Variants in L3MBTL2 observed in about 807,000 individuals in gnomAD.
L3MBTL2 encodes L3MBTL histone methyl-lysine binding protein 2.
A neutral mutation model predicts 86.4 loss-of-function variants in L3MBTL2; 49 were observed. That is an observed-to-expected ratio of 0.57 (90% CI 0.45 to 0.72). L3MBTL2 has a LOEUF of 0.72. Ranked by LOEUF, L3MBTL2 falls within the 30% of genes least tolerant of loss-of-function variation. L3MBTL2 has a pLI of 0.00. For missense variants in L3MBTL2, 755 were observed against 923.7 expected (o/e 0.82, Z 2.37); for synonymous variants, 336 against 350.6 (o/e 0.96, Z 0.47).
chr22:41,206,909 CAT>C (rs1219494986), intron 1 of L3MBTL2, among the ~76,000 whole-genome samples: 3 of 152,124 alleles, frequency 2.0e-5, no homozygotes, highest in Admixed American at 6.6e-5. Context: ...CGAGAATAAT[CAT>C]GTGGAGAATA....
intron 4 of L3MBTL2, 184 bp from the exon 5 acceptor site, chr22:41,216,939 G>GT: frequency 1.8e-6 from 1 of 570,602 alleles, no homozygotes; most frequent in South Asian, 2.1e-5. Flanking sequence ...CTCAACAGTG[G>GT]TCCCTCATGG....
intron 1 of L3MBTL2, among the ~76,000 whole-genome samples, chr22:41,208,966 C>T (rs971432778): frequency 1.3e-5 from 2 of 152,122 alleles, no homozygotes; most frequent in African/African-American, 2.4e-5. Flanking sequence ...TGGTCTTGAA[C>T]TCCTGACTTC....
rs765244624 is a variant in L3MBTL2 at position 41,225,021 on chromosome 22, G to A, written c.1306G>A (p.Ala436Thr). The A allele has an allele frequency of 9.3e-6, 15 of 1,613,976 alleles. No homozygotes were observed. The highest frequency in any genetic ancestry group is 1.3e-5 in the Non-Finnish European group (15 of 1,179,980). The change falls in exon 11 of 17, where the codon GCC (alanine) becomes ACC (threonine). Residue 436 changes from alanine (A) to threonine (T), a missense_variant. Physicochemically the swap from Ala to Thr is moderately conservative, Grantham distance 58 (BLOSUM62 0). Transcript: ENST00000216237. The surrounding 1 kb of genome is among the most constrained non-coding windows in gnomAD (Gnocchi z 4.1). The stretch of plus-strand genomic sequence containing the variant: ...GTTTGAGGAAGGGATGAAGCTGGAG[G>A]CCATTGACCCCCTGAATCTGGGCAA... The part of the protein sequence containing the change: ...GWFEEGMKLE[A>T]IDPLNLGNIC...
At chr22:41,218,165 C>T (rs1160414590) in intron 5 of L3MBTL2, 1 of 152,190 alleles carries the variant, frequency 6.6e-6, no homozygotes, top group Non-Finnish European at 1.5e-5. Flanking sequence ...ACTCAAGTGA[C>T]CAGGGAGATG....
rs983692989 is a variant in L3MBTL2 at position 41,221,113 on chromosome 22, G to A, written c.854-86G>A. The A allele has an allele frequency of 7.1e-6, 9 of 1,271,460 alleles. No homozygotes were observed. The Admixed American group carries it at 1.2e-4, about 17-fold the overall frequency. The allele number at this position is 1,271,460 out of a possible 1,614,324, so 78.8% of individuals were successfully genotyped here. The stretch of plus-strand genomic sequence containing the variant: ...CTATTTTCAGTCCCCACTGCTGAGG[G>A]GTCCCCACTCTGGGTCGGCGCTAGC... On this transcript the variant is annotated intron_variant, in intron 7 of 16. Coordinates refer to ENST00000216237, the MANE Select transcript of L3MBTL2 (RefSeq NM_031488.5).
intron 8 of L3MBTL2, among the ~76,000 whole-genome samples, chr22:41,222,512 C>A (rs2031894243): frequency 6.6e-6 from 1 of 152,158 alleles, no homozygotes; most frequent in African/African-American, 2.4e-5. Context: ...GTGACTCATA[C>A]CTGTCTCAGT....
chr22:41,223,315 G>A (rs1277672534), intron 8 of L3MBTL2, among the ~76,000 whole-genome samples: 1 of 152,042 alleles, frequency 6.6e-6, no homozygotes, highest in African/African-American at 2.4e-5. Flanking sequence ...CACCCTACCT[G>A]TTCCCTGCCC....
chr22:41,209,430 TTGA>T, intron 1 of L3MBTL2: 1 of 402,346 alleles, frequency 2.5e-6, no homozygotes. Context: ...AGTATTCTAT[TTGA>T]ACCATGTTAA....
chr22:41,210,090 C>T, intron 2 of L3MBTL2, 157 bp downstream of exon 2: 1 of 770,632 alleles, frequency 1.3e-6, no homozygotes, highest in Non-Finnish European at 1.9e-6. Context: ...GTAAGGGAGA[C>T]AGAAGCACCC....
intron 4 of L3MBTL2, 38 bp downstream of exon 4, chr22:41,216,300 G>C (rs530184410): frequency 6.3e-7 from 1 of 1,599,444 alleles, no homozygotes; most frequent in Non-Finnish European, 8.6e-7. Context: ...AAGCTGCCGT[G>C]GCTGGGGAGG....
intron 2 of L3MBTL2, among the ~76,000 whole-genome samples, chr22:41,211,701 C>T (rs1419046969): frequency 4.0e-5 from 6 of 148,198 alleles, no homozygotes; most frequent in South Asian, 2.1e-4. Flanking sequence ...GGACTACAGG[C>T]GCCTGCCACC....
chr22:41,207,969 T>A (rs1451677496), intron 1 of L3MBTL2, among the ~76,000 whole-genome samples: 1 of 151,808 alleles, frequency 6.6e-6, no homozygotes, highest in Non-Finnish European at 1.5e-5. Context: ...GTAGCTGGGA[T>A]TTCAGGCACC....
chr22:41,225,146 A>C lies in L3MBTL2; in HGVS notation c.1356+75A>C, dbSNP rs1601531605. 3 of 1,150,164 alleles carry C rather than the reference A, an allele frequency of 2.6e-6. No homozygotes were observed. The highest frequency in any genetic ancestry group is 1.3e-6 in the Non-Finnish European group (1 of 799,728). The allele number at this position is 1,150,164 out of a possible 1,614,324, so 71.2% of individuals were successfully genotyped here. A position where few individuals can be genotyped will look rare whatever the true frequency, so the allele number is the denominator to read the frequency against. On this transcript the variant is annotated intron_variant, in intron 11 of 16. Transcript: ENST00000216237. This position sits in a 1 kb window ranked among gnomAD's most constrained non-coding sequence, Gnocchi z 4.1. ...CCATGTGGCCCAGAGCTCTAACCCC[A>C]CTCGCCACCGTCAGGGGGTCTGTGT...
chr22:41,228,065 AC>A (rs2032315455), intron 15 of L3MBTL2, 196 bp downstream of exon 15: 1 of 984,996 alleles, frequency 1.0e-6, no homozygotes, highest in African/African-American at 1.8e-5. Flanking sequence ...GTCTCTGGGG[AC>A]CCAGACCATA....
chr22:41,208,509 T>C (rs2030433876), intron 1 of L3MBTL2: 1 of 261,462 alleles, frequency 3.8e-6, no homozygotes. Flanking sequence ...AATATTTTTA[T>C]TTTATAGATG....
intron 2 of L3MBTL2, among the ~76,000 whole-genome samples, chr22:41,210,660 C>T (rs1046288780): frequency 6.6e-6 from 1 of 152,072 alleles, no homozygotes; most frequent in African/African-American, 2.4e-5. Context: ...GGCGGGGTTT[C>T]ACCATGTCGG....
At chr22:41,229,863 C>A in intron 16 of L3MBTL2, 1 of 849,604 alleles carries the variant, frequency 1.2e-6, no homozygotes, top group Non-Finnish European at 1.9e-6. Context: ...TCTAGCCCGG[C>A]CCCGGCCCCT....
chr22:41,219,176 G>T, intron 5 of L3MBTL2: 1 of 426,254 alleles, frequency 2.3e-6, no homozygotes, highest in Non-Finnish European at 4.4e-6. Context: ...TTAGGACTCG[G>T]TTCTGTCTGA....
chr22:41,211,557 C>CTTTTTTTTTTTTTT (rs71200672), intron 2 of L3MBTL2, among the ~76,000 whole-genome samples: 9 of 97,342 alleles, frequency 9.2e-5, no homozygotes, highest in South Asian at 3.4e-4. Flanking sequence ...ATCTTATTTC[C>CTTTTTTTTTTTTTT]TTTTTTTTTT....
Sources: allele counts gnomAD v4.1 joint callset (sites outside exome capture counted in the v4.1 genomes callset), GRCh38; gene constraint gnomAD v4.1.1; non-coding constraint Gnocchi (gnomAD v3.1); transcripts MANE v1.5; gene names NCBI Gene and HGNC (gene_info 2026-07-23, HGNC 2026-07-21).